NLGN1: variants seen among roughly 807,000 people sequenced by gnomAD.
NLGN1 encodes neuroligin 1.
NLGN1 carries 12 observed loss-of-function variants against 65.5 expected under a neutral mutation model. The ratio of observed to expected loss-of-function variants is 0.18; its 90% CI spans 0.12 to 0.30. The LOEUF is 0.30. Among genes scored for constraint, NLGN1 ranks in the 10% least tolerant of loss-of-function variants. The pLI is 1.00. For synonymous variants in NLGN1, 350 were observed against 359.5 expected, an observed-to-expected ratio of 0.97 and a Z score of 0.30; for missense variants, 750 against 1,007.1, an observed-to-expected ratio of 0.74 and a Z score of 3.46.
At chr3:173,577,274 C>T (rs1212475651) in intron 2 of NLGN1, among the ~76,000 whole-genome samples, 1 of 152,164 alleles carries the variant, frequency 6.6e-6, no homozygotes, top group East Asian at 1.9e-4. Context: ...ATTATATTCT[C>T]ATTCTATCAA....
chr3:173,398,283 A>G (rs1445068805), upstream of NLGN1, among the ~76,000 whole-genome samples: 1 of 152,100 alleles, frequency 6.6e-6, no homozygotes, highest in Non-Finnish European at 1.5e-5. Flanking sequence ...GGGATAAGAA[A>G]GTTGCTCTTC....
chr3:174,013,025 T>C (rs1201216076), intron 4 of NLGN1, among the ~76,000 whole-genome samples: 1 of 152,176 alleles, frequency 6.6e-6, no homozygotes, highest in African/African-American at 2.4e-5. Flanking sequence ...ATCAAAATTG[T>C]CATCTTCAAA....
intron 3 of NLGN1, among the ~76,000 whole-genome samples, chr3:173,760,332 A>G (rs1489932361): frequency 5.9e-5 from 9 of 151,926 alleles, no homozygotes; most frequent in Non-Finnish European, 4.4e-5. Flanking sequence ...AATTTATGAC[A>G]TGGTTATTGA....
intron 4 of NLGN1, among the ~76,000 whole-genome samples, chr3:173,819,331 A>G (rs1306811380): frequency 2.0e-5 from 3 of 152,114 alleles, no homozygotes; most frequent in Non-Finnish European, 4.4e-5. Flanking sequence ...ATCCAAGAGC[A>G]CCAGTTTTCT....
At chr3:174,276,558 T>C (rs1038297717) in intron 5 of NLGN1, among the ~76,000 whole-genome samples, 3 of 151,932 alleles carry the variant, frequency 2.0e-5, no homozygotes, top group Admixed American at 6.6e-5. Flanking sequence ...ATTTGTAAGG[T>C]TGAGTTTTGT....
At chr3:174,170,078 T>C (rs1360945640) in intron 4 of NLGN1, among the ~76,000 whole-genome samples, 1 of 152,144 alleles carries the variant, frequency 6.6e-6, no homozygotes, top group Non-Finnish European at 1.5e-5. Flanking sequence ...TGTTTTCCTC[T>C]CAAGCTTTGG....
chr3:174,055,138 T>C (rs981564828), intron 4 of NLGN1, among the ~76,000 whole-genome samples: 1 of 149,476 alleles, frequency 6.7e-6, no homozygotes, highest in Admixed American at 6.7e-5. Flanking sequence ...ATCAACTCCT[T>C]AAAGGAGCTT....
intron 4 of NLGN1, among the ~76,000 whole-genome samples, chr3:173,942,109 G>GTGTGTGTGTGTGT (rs1553896554): frequency 6.9e-6 from 1 of 144,070 alleles, no homozygotes; most frequent in African/African-American, 2.6e-5. Context: ...GGTGGTTGGG[G>GTGTGTGTGTGTGT]GTGTGTGTGT....
At chr3:173,420,632 T>C (rs887060767) in intron 1 of NLGN1, among the ~76,000 whole-genome samples, 2 of 152,188 alleles carry the variant, frequency 1.3e-5, no homozygotes, top group Admixed American at 1.3e-4. Context: ...TTTCTAGTTC[T>C]AGATCCCTGA....
chr3:173,844,643 A>G (rs187694229), intron 4 of NLGN1, among the ~76,000 whole-genome samples: 1 of 152,190 alleles, frequency 6.6e-6, no homozygotes, highest in Admixed American at 6.5e-5. Context: ...CTGCATTTAG[A>G]GTTCTTGATT....
chr3:173,913,338 T>A (rs1479776331), intron 4 of NLGN1, among the ~76,000 whole-genome samples: 1 of 152,184 alleles, frequency 6.6e-6, no homozygotes, highest in Non-Finnish European at 1.5e-5. Flanking sequence ...GAGATTTAGA[T>A]GTTTGATACC....
chr3:173,861,466 T>TG (rs1729050989), intron 4 of NLGN1, among the ~76,000 whole-genome samples: 1 of 151,216 alleles, frequency 6.6e-6, no homozygotes, highest in African/African-American at 2.4e-5. Flanking sequence ...CTTTTCATAC[T>TG]GATAAGTTAA....
chr3:174,063,911 C>T (rs920905487), intron 4 of NLGN1, among the ~76,000 whole-genome samples: 9 of 151,860 alleles, frequency 5.9e-5, no homozygotes, highest in African/African-American at 2.2e-4. Flanking sequence ...AACAAGGGGG[C>T]TGGGTGTATC....
rs114952549 is a variant in NLGN1, at chr3:173,538,993, C to T, written c.-320-65286C>T. 8.7e-3 allele frequency among the ~76,000 whole-genome samples: 1,320 copies of T among 151,992 alleles called. 19 individuals are homozygous for T. The highest frequency in any genetic ancestry group is 0.03 in the African/African-American group (1,252 of 41,454). ...CCTAACCATCTGGACAAACCATCAG[C>T]CACAGCCCCTGAGTTAGTATATAAT... is the stretch of plus-strand genomic sequence containing the variant. On this transcript the variant is annotated intron_variant, in intron 2 of 6. Transcript: ENST00000457714.
intron 4 of NLGN1, among the ~76,000 whole-genome samples, chr3:174,238,309 C>G (rs1157237308): frequency 7.8e-6 from 1 of 128,846 alleles, no homozygotes; most frequent in Admixed American, 7.7e-5. Flanking sequence ...TCTCTACTTT[C>G]TGTTTTTTCT....
intron 4 of NLGN1, among the ~76,000 whole-genome samples, chr3:174,234,273 G>A (rs1470227873): frequency 1.3e-5 from 2 of 152,138 alleles, no homozygotes; most frequent in Admixed American, 1.3e-4. Flanking sequence ...GAGAGATCAA[G>A]TGCACTGTTT....
Position 173,929,108 on chromosome 3 carries a change from C to T in NLGN1, c.646+121276C>T, listed in dbSNP as rs867158304. 2.6e-5 allele frequency among the ~76,000 whole-genome samples: 4 copies of T among 152,194 alleles called. No homozygotes were observed. The East Asian group carries it at 7.7e-4, about 29-fold the overall frequency. ...GGTTCTATGTATCCAATCCAAAGGT[C>T]TTATATCAACTGGAAAAATTAGATA... On this transcript the variant is annotated intron_variant, in intron 4 of 6. Coordinates refer to ENST00000457714, the Ensembl canonical transcript of NLGN1.
At chr3:174,276,236 G>A (rs1750539155) in intron 5 of NLGN1, among the ~76,000 whole-genome samples, 2 of 151,764 alleles carry the variant, frequency 1.3e-5, no homozygotes, top group African/African-American at 4.8e-5. Context: ...TTCTGGCTTT[G>A]ACATATTTTT....
chr3:173,767,633 A>G (rs1778973141), intron 3 of NLGN1, among the ~76,000 whole-genome samples: 1 of 152,118 alleles, frequency 6.6e-6, no homozygotes, highest in South Asian at 2.1e-4. Flanking sequence ...CAATTCATTG[A>G]ATAGTGCAAT....
Sources: allele counts gnomAD v4.1 joint callset (sites outside exome capture counted in the v4.1 genomes callset), GRCh38; gene constraint gnomAD v4.1.1; transcripts MANE v1.5; gene names NCBI Gene and HGNC (gene_info 2026-07-23, HGNC 2026-07-21).